ZNF804A: variants seen among roughly 807,000 people sequenced by gnomAD.
ZNF804A encodes the protein zinc finger protein 804A.
Under a neutral mutation model 16.5 loss-of-function variants are expected in ZNF804A, and 2 were observed. The observed-to-expected ratio is 0.12, with a 90% confidence interval of 0.05 to 0.38. The LOEUF (loss-of-function observed/expected upper bound fraction) is 0.38. Ranked by LOEUF, ZNF804A falls within the 10% of genes least tolerant of loss-of-function variation. ZNF804A has a pLI of 0.99. For synonymous variants in ZNF804A, 534 were observed against 489.6 expected, an observed-to-expected ratio of 1.09 and a Z score of -1.20; for missense variants, 1,473 against 1,390.7, an observed-to-expected ratio of 1.06 and a Z score of -0.94.
intron 1 of ZNF804A, among the ~76,000 whole-genome samples, chr2:184,736,274 C>T (rs1197337755): frequency 6.6e-6 from 1 of 152,054 alleles, no homozygotes; most frequent in African/African-American, 2.4e-5. Context: ...TTGTCTACTG[C>T]CCTTTCTTGA....
intron 1 of ZNF804A, among the ~76,000 whole-genome samples, chr2:184,605,934 A>C (rs1219438372): frequency 6.6e-6 from 1 of 152,152 alleles, no homozygotes; most frequent in Non-Finnish European, 1.5e-5. Flanking sequence ...TGTCAAAGTA[A>C]ACAAAATCCA....
intron 1 of ZNF804A, among the ~76,000 whole-genome samples, chr2:184,718,959 A>T (rs929794148): frequency 8.5e-5 from 13 of 152,092 alleles, no homozygotes; most frequent in African/African-American, 3.1e-4. Flanking sequence ...CTGACCCCAC[A>T]TTACCTTGCC....
intron 1 of ZNF804A, among the ~76,000 whole-genome samples, chr2:184,862,537 G>A (rs986527606): frequency 1.3e-5 from 2 of 152,092 alleles, no homozygotes; most frequent in Non-Finnish European, 2.9e-5. Context: ...TAATAATTTA[G>A]AGGAGGATAG....
chr2:184,879,913 A>T (rs1338027840), intron 2 of ZNF804A, among the ~76,000 whole-genome samples: 1 of 152,076 alleles, frequency 6.6e-6, no homozygotes, highest in Non-Finnish European at 1.5e-5. Context: ...AAGGTAAATC[A>T]ACAGGAGAGA....
intron 1 of ZNF804A, among the ~76,000 whole-genome samples, chr2:184,768,959 A>G (rs1694170706): frequency 6.6e-6 from 1 of 152,122 alleles, no homozygotes; most frequent in South Asian, 2.1e-4. Context: ...ACTACAAAAG[A>G]ATCAGATCAT....
chr2:184,750,667 A>G (rs1214729885), intron 1 of ZNF804A, among the ~76,000 whole-genome samples: 2 of 151,418 alleles, frequency 1.3e-5, no homozygotes, highest in Non-Finnish European at 3.0e-5. Flanking sequence ...CTTTATTATT[A>G]TGATTACTAA....
intron 1 of ZNF804A, among the ~76,000 whole-genome samples, chr2:184,855,526 T>C (rs761845721): frequency 6.6e-6 from 1 of 151,988 alleles, no homozygotes; most frequent in Admixed American, 6.6e-5. Context: ...AATTCAGCCC[T>C]GTGACCAGGG....
rs140579500 is a variant in ZNF804A, at chr2:184,827,879, C to G, written c.112-38490C>G. 4.1e-3 allele frequency among the ~76,000 whole-genome samples: 623 copies of G among 151,694 alleles called. 2 individuals carry two copies. Among genetic ancestry groups the G allele is most frequent in the Admixed American group, 7.9e-3 (120 of 15,174 alleles). On this transcript the variant is annotated intron_variant, in intron 1 of 3. Coordinates refer to ENST00000302277, the MANE Select transcript of ZNF804A (RefSeq NM_194250.2). ...GTCAGGCTGTTTACACGTTGATATT[C>G]CAAATATCTTTAAAAAATTTTTGTT...
At chr2:184,632,983 G>A (rs1241334494) in intron 1 of ZNF804A, among the ~76,000 whole-genome samples, 4 of 152,118 alleles carry the variant, frequency 2.6e-5, no homozygotes, top group Non-Finnish European at 5.9e-5. Context: ...ATATCCAGAC[G>A]AAGTTTGACC....
chr2:184,718,149 C>G lies in ZNF804A; in HGVS notation c.111+119079C>G, dbSNP rs1430385147. Among the ~76,000 whole-genome samples the G allele has an allele frequency of 8.5e-5, 13 of 152,244 alleles. No homozygotes were observed. The South Asian group carries it at 2.7e-3, about 32-fold the overall frequency. On this transcript the variant is annotated intron_variant, in intron 1 of 3. Coordinates refer to ENST00000302277, the MANE Select transcript of ZNF804A (RefSeq NM_194250.2). The stretch of plus-strand genomic sequence containing the variant: ...ATGGCAAAAGGCAAGTCTCACATGG[C>G]AGCAGACAAGAGAAGAGGATTTGTG...
chr2:184,865,281 A>G (rs184334595), intron 1 of ZNF804A, among the ~76,000 whole-genome samples: 2 of 151,950 alleles, frequency 1.3e-5, no homozygotes, highest in Admixed American at 6.6e-5. Context: ...CACATCATGA[A>G]TAATGTTTAC....
At chr2:184,905,285 G>A (rs1394735659) in intron 2 of ZNF804A, among the ~76,000 whole-genome samples, 2 of 151,990 alleles carry the variant, frequency 1.3e-5, no homozygotes, top group African/African-American at 4.8e-5. Context: ...GATTCTTTTC[G>A]ATAATACTCA....
chr2:184,872,657 ACATAAT>A (rs1558988880), intron 2 of ZNF804A, among the ~76,000 whole-genome samples: 1 of 152,194 alleles, frequency 6.6e-6, no homozygotes, highest in Non-Finnish European at 1.5e-5. Context: ...ATAAAAATAG[ACATAAT>A]CATAGAGACA....
At chr2:184,857,398 A>G (rs1187467877) in intron 1 of ZNF804A, among the ~76,000 whole-genome samples, 1 of 152,112 alleles carries the variant, frequency 6.6e-6, no homozygotes. Flanking sequence ...TGCCTAACAT[A>G]TAGGCTATCC....
intron 1 of ZNF804A, among the ~76,000 whole-genome samples, chr2:184,647,536 T>C (rs1486488639): frequency 6.6e-6 from 1 of 152,090 alleles, no homozygotes; most frequent in African/African-American, 2.4e-5. Flanking sequence ...ATAAACATTA[T>C]AAAAATAAAT....
chr2:184,737,026 T>A (rs911827449), intron 1 of ZNF804A, among the ~76,000 whole-genome samples: 4 of 151,852 alleles, frequency 2.6e-5, no homozygotes, highest in Non-Finnish European at 4.4e-5. Flanking sequence ...TATCAAATTT[T>A]AAAAATTCCC....
intron 1 of ZNF804A, among the ~76,000 whole-genome samples, chr2:184,677,010 GT>G (rs1482372470): frequency 1.3e-5 from 2 of 151,554 alleles, no homozygotes; most frequent in African/African-American, 4.8e-5. Context: ...TATATTTGGA[GT>G]TAAAAACATT....
chr2:184,903,001 G>GA (rs1173832617), intron 2 of ZNF804A, among the ~76,000 whole-genome samples: 12 of 152,184 alleles, frequency 7.9e-5, no homozygotes, highest in Non-Finnish European at 1.3e-4. Flanking sequence ...AGTTTCCCTA[G>GA]AAAAAAATTC....
intron 1 of ZNF804A, among the ~76,000 whole-genome samples, chr2:184,633,186 T>A (rs1214455652): frequency 1.3e-5 from 2 of 152,200 alleles, no homozygotes; most frequent in African/African-American, 2.4e-5. Context: ...CAGTTAGCTT[T>A]TAAGCTATCA....
Sources: gnomAD v4.1 joint callset for allele counts (sites outside exome capture counted in the v4.1 genomes callset) on GRCh38, gnomAD v4.1.1 for gene constraint, MANE v1.5 for transcripts, NCBI Gene and HGNC (gene_info 2026-07-23, HGNC 2026-07-21) for gene names.